Variants in GPLD1 observed in about 807,000 individuals in gnomAD.
GPLD1 encodes phosphatidylinositol-glycan-specific phospholipase D.
GPLD1 carries 84 observed loss-of-function variants against 112.6 expected under a neutral mutation model. That is an observed-to-expected ratio of 0.75 (90% CI 0.63 to 0.89). The LOEUF is 0.89. GPLD1 is among the 40% of genes least tolerant of loss of function. GPLD1 has a pLI of 0.00. For missense variants in GPLD1, 1,044 were observed against 1,051.5 expected (o/e 0.99, Z 0.10); for synonymous variants, 386 against 403.8 (o/e 0.96, Z 0.53).
At chr6:24,430,696 G>A (rs1762375281) in intron 24 of GPLD1, among the ~76,000 whole-genome samples, 1 of 152,118 alleles carries the variant, frequency 6.6e-6, no homozygotes, top group Non-Finnish European at 1.5e-5. Context: ...GGAATCTTCA[G>A]AACATAACTT....
chr6:24,436,541 T>C, intron 22 of GPLD1, 35 bp downstream of exon 22: 1 of 1,583,162 alleles, frequency 6.3e-7, no homozygotes, highest in Non-Finnish European at 8.7e-7. Context: ...AGTGATCCTT[T>C]CCCAATAAGT....
intron 23 of GPLD1, 44 bp from the exon 24 acceptor site, chr6:24,433,281 G>T (rs754578007): frequency 1.9e-6 from 3 of 1,590,130 alleles, no homozygotes; most frequent in South Asian, 2.2e-5. Flanking sequence ...AGAACATAGT[G>T]TAATACTTTA....
rs944301303 is a variant in GPLD1, at chr6:24,434,910, T to A, written c.2359-1521A>T. On this transcript the variant is annotated intron_variant, in intron 22 of 24. Coordinates refer to ENST00000230036, the MANE Select transcript of GPLD1 (RefSeq NM_001503.4). ...GTGCTGAACTCCTGAGCTCAAGGGA[T>A]CCTCCTGCCTCAGCCTCCCAAAGTG... 3.3e-5 allele frequency among the ~76,000 whole-genome samples: 5 copies of A among 150,706 alleles called. No individual in the cohort carries two copies. The South Asian group carries it at 8.4e-4, about 25-fold the overall frequency.
Position 24,426,733 on chromosome 6 carries a change from A to G in GPLD1, c.*2299T>C, listed in dbSNP as rs758355530. Among the ~76,000 whole-genome samples the G allele has an allele frequency of 3.4e-4, 51 of 152,212 alleles. No individual in the cohort carries two copies. Among genetic ancestry groups the G allele is most frequent in the Admixed American group, 2.0e-3 (31 of 15,278 alleles). On this transcript the variant is annotated 3_prime_UTR_variant, in exon 25 of 25. Transcript: ENST00000230036. ...CTCTAACTGCTCAACTCATAAGTGA[A>G]TACAACTAAGTAATTTCTGGTCCCC... is the stretch of plus-strand genomic sequence containing the variant.
intron 3 of GPLD1, among the ~76,000 whole-genome samples, chr6:24,478,591 G>A (rs905508570): frequency 3.3e-5 from 5 of 152,174 alleles, no homozygotes. Flanking sequence ...TGGCTCTCTG[G>A]CTTTGATTGG....
At chr6:24,480,436 C>T (rs1764163030) in intron 2 of GPLD1, among the ~76,000 whole-genome samples, 1 of 152,174 alleles carries the variant, frequency 6.6e-6, no homozygotes, top group Non-Finnish European at 1.5e-5. Flanking sequence ...GATTCTCCTG[C>T]CTCAGCCTCC....
chr6:24,475,535 G>A (rs62400473), intron 4 of GPLD1, among the ~76,000 whole-genome samples: 43,797 of 122,450 alleles, frequency 0.36, 8,087 homozygotes, highest in Middle Eastern at 0.48. Context: ...GCAAGACTCT[G>A]TCTCAAAAAA....
chr6:24,476,363 C>T, intron 3 of GPLD1, 85 bp from the exon 4 acceptor site: 2 of 705,780 alleles, frequency 2.8e-6, no homozygotes, highest in South Asian at 1.6e-5. Context: ...CGCTGCGCTG[C>T]TGTGTCCCTT....
upstream of GPLD1, among the ~76,000 whole-genome samples, chr6:24,490,976 TAA>T (rs1764542122): frequency 6.6e-6 from 1 of 152,206 alleles, no homozygotes. Context: ...TTTATAAACT[TAA>T]ATCAAGTTTA....
intron 12 of GPLD1, among the ~76,000 whole-genome samples, chr6:24,458,143 G>T (rs546664010): frequency 1.3e-5 from 2 of 151,592 alleles, no homozygotes; most frequent in African/African-American, 2.4e-5. Flanking sequence ...CTGCCCAAGG[G>T]TGACATGAGA....
In GPLD1 at chr6:24,428,489, G is replaced by C. The variant is rs1481251662; in HGVS notation, c.*543C>G. On this transcript the variant is annotated 3_prime_UTR_variant, in exon 25 of 25. Coordinates refer to ENST00000230036, the MANE Select transcript of GPLD1 (RefSeq NM_001503.4). ...TACAAGTGAGAATATGGAGTGTTTG[G>C]TTTTCTGTTCCTGCAATAGTTTATG... 1 of 152,130 alleles carries C rather than the reference G, an allele frequency of 6.6e-6. No individual in the cohort carries two copies. The highest frequency in any genetic ancestry group is 2.4e-5 in the African/African-American group (1 of 41,420). 9.4% of individuals were successfully genotyped at this position (152,130 alleles called of 1,614,324 possible). A position where few individuals can be genotyped will look rare whatever the true frequency, so the allele number is the denominator to read the frequency against.
In GPLD1 at chr6:24,428,636, C is replaced by T. The variant is rs116193266; in HGVS notation, c.*396G>A. The T allele has an allele frequency of 0.013, 1,997 of 159,048 alleles. 20 individuals carry two copies. Among genetic ancestry groups the T allele is most frequent in the African/African-American group, 0.028 (1,179 of 41,812 alleles). The allele number at this position is 159,048 out of a possible 1,614,324, so 9.9% of individuals were successfully genotyped here. ...TTTTAGGAGGAATTGTGTACAGAGA[C>T]TGTTCTAACAGATAACCACAGAGGG... On this transcript the variant is annotated 3_prime_UTR_variant, in exon 25 of 25. Transcript: ENST00000230036.
chr6:24,439,978 T>C (rs9461010), intron 20 of GPLD1, among the ~76,000 whole-genome samples: 43,142 of 151,812 alleles, frequency 0.28, 6,621 homozygotes, highest in African/African-American at 0.39. Flanking sequence ...GCAGGGGTGG[T>C]GGGTATTTTT....
chr6:24,472,261 C>G (rs529405394), intron 7 of GPLD1, among the ~76,000 whole-genome samples: 1 of 152,226 alleles, frequency 6.6e-6, no homozygotes, highest in Admixed American at 6.5e-5. Flanking sequence ...CACAAACAGG[C>G]TGGAAATTTT....
Position 24,427,845 on chromosome 6 carries a change from CAAAAAAAAAAAA to C in GPLD1, c.*1175_*1186del, listed in dbSNP as rs72112585. 1.1e-5 allele frequency among the ~76,000 whole-genome samples: 1 copy of C among 87,634 alleles called. No individual in the cohort carries two copies. The highest frequency in any genetic ancestry group is 5.4e-5 in the African/African-American group (1 of 18,656). 57.5% of individuals were successfully genotyped at this position (87,634 alleles called of 152,430 possible). ...TGGGCAACAGAGCAAGACTCCGTCT[CAAAAAAAAAAAA>C]AAAAAAAAAGGACTATCATCCTTAG... On this transcript the variant is annotated 3_prime_UTR_variant, in exon 25 of 25. Transcript: ENST00000230036.
At chr6:24,438,927 C>CAG (rs1762662885) in intron 20 of GPLD1, among the ~76,000 whole-genome samples, 3 of 152,162 alleles carry the variant, frequency 2.0e-5, no homozygotes, top group Non-Finnish European at 4.4e-5. Context: ...GCTGGGACTA[C>CAG]AGGCACGCGC....
At chr6:24,459,618 T>C (rs1763372666) in intron 12 of GPLD1, among the ~76,000 whole-genome samples, 1 of 152,218 alleles carries the variant, frequency 6.6e-6, no homozygotes, top group Non-Finnish European at 1.5e-5. Context: ...ACTCACATAA[T>C]GGTTATTTTT....
chr6:24,454,276 T>C, intron 13 of GPLD1, 75 bp from the exon 14 acceptor site: 1 of 1,047,736 alleles, frequency 9.5e-7, no homozygotes, highest in South Asian at 2.0e-5. Flanking sequence ...TTCTTTCCTT[T>C]CTAGAGCCCA....
chr6:24,471,660 T>C (rs1286400784), intron 7 of GPLD1, among the ~76,000 whole-genome samples: 1 of 152,174 alleles, frequency 6.6e-6, no homozygotes. Flanking sequence ...GATATAAAAC[T>C]ATAAAAGCTT....
Sources: allele counts gnomAD v4.1 joint callset (sites outside exome capture counted in the v4.1 genomes callset), GRCh38; gene constraint gnomAD v4.1.1; transcripts MANE v1.5; gene names NCBI Gene and HGNC (gene_info 2026-07-23, HGNC 2026-07-21).